CCSER2: variants seen among roughly 807,000 people sequenced by gnomAD.
CCSER2 encodes the protein coiled-coil serine rich protein 2.
Under a neutral mutation model 92.3 loss-of-function variants are expected in CCSER2, and 46 were observed. The observed-to-expected ratio is 0.50, with a 90% CI of 0.39 to 0.64. The LOEUF is 0.64. Among genes scored for constraint, CCSER2 ranks in the 30% least tolerant of loss-of-function variants. CCSER2 has a pLI of 0.00. For synonymous variants in CCSER2, 433 were observed against 431.4 expected (o/e 1.00, Z -0.04); for missense variants, 1,244 against 1,238.9 (o/e 1.00, Z -0.06).
chr10:84,477,715 G>T, intron 9 of CCSER2, 51 bp downstream of exon 9: 1 of 997,690 alleles, frequency 1.0e-6, no homozygotes, highest in Non-Finnish European at 1.6e-6. Context: ...CTATTTTGAT[G>T]TTTTATTTCA....
At chr10:84,352,679 A>G (rs536672987) in intron 1 of CCSER2, among the ~76,000 whole-genome samples, 7 of 152,172 alleles carry the variant, frequency 4.6e-5, no homozygotes, top group Non-Finnish European at 7.4e-5. Context: ...CTGACTCTCT[A>G]TGTGAACTTG....
Position 84,503,233 on chromosome 10 carries a change from A to G in CCSER2, c.2326-10216A>G, listed in dbSNP as rs561846839. Among the ~76,000 whole-genome samples the G allele has an allele frequency of 1.1e-4, 16 of 152,212 alleles. No homozygotes were observed. In the South Asian group the frequency reaches 2.9e-3, roughly 28 times the overall value. Reference sequence around the variant, plus strand: ...CAGAGTGAGACTCTGTCTCAAAAAAAAAGAATATAGGAAAATAGAGATAAA... The same window carrying G: ...CAGAGTGAGACTCTGTCTCAAAAAAGAAGAATATAGGAAAATAGAGATAAA... On this transcript the variant is annotated intron_variant, in intron 9 of 9. Transcript: ENST00000372088.
intron 6 of CCSER2, among the ~76,000 whole-genome samples, chr10:84,462,652 C>T (rs1412439075): frequency 6.6e-6 from 1 of 152,174 alleles, no homozygotes; most frequent in Non-Finnish European, 1.5e-5. Flanking sequence ...GTCCATTTGA[C>T]ACCACCATAG....
At chr10:84,486,884 A>G (rs900542450) in intron 9 of CCSER2, among the ~76,000 whole-genome samples, 2 of 152,220 alleles carry the variant, frequency 1.3e-5, no homozygotes, top group African/African-American at 4.8e-5. Context: ...TAGGTCTAAC[A>G]TTTAAGTCTT....
At position 84,437,967 on chromosome 10, in the gene CCSER2, A is replaced by C. The variant is rs79889190; in HGVS notation, c.1869-545A>C. Among the ~76,000 whole-genome samples the C allele has an allele frequency of 3.3e-3, 504 of 152,164 alleles. 1 individual carries two copies. Among genetic ancestry groups the C allele is most frequent in the Non-Finnish European group, 5.6e-3 (381 of 67,996 alleles). On this transcript the variant is annotated intron_variant, in intron 5 of 9. Coordinates refer to ENST00000372088, the MANE Select transcript of CCSER2 (RefSeq NM_001284240.2). Reference sequence around the variant, plus strand: ...GATTAGGAAATATGCGGTATATATAAAACTTTTATAAAAGCTTAAGTAACC... The same window carrying C: ...GATTAGGAAATATGCGGTATATATACAACTTTTATAAAAGCTTAAGTAACC...
intron 5 of CCSER2, among the ~76,000 whole-genome samples, chr10:84,430,623 T>A (rs1248664687): frequency 1.3e-5 from 2 of 152,182 alleles, no homozygotes. Context: ...TGTCCCCCAA[T>A]CTCTAGTGAC....
chr10:84,334,277 G>C (rs2132973498), intron 1 of CCSER2, among the ~76,000 whole-genome samples: 1 of 152,236 alleles, frequency 6.6e-6, no homozygotes, highest in Non-Finnish European at 1.5e-5. Flanking sequence ...CTGAGTATCT[G>C]ATGGCTTTCT....
chr10:84,405,277 A>C lies in CCSER2; in HGVS notation c.1615-12494A>C, dbSNP rs559733985. Among the ~76,000 whole-genome samples, 17 of 152,290 alleles carry C rather than the reference A, an allele frequency of 1.1e-4. No homozygotes were observed. The South Asian group carries it at 3.5e-3, about 32-fold the overall frequency. ...CATTTGATCGTTCATATATTAAAAAACAAAAATTGAACTTTGACTAAAATT... is the reference window on the plus strand; with the variant it reads ...CATTTGATCGTTCATATATTAAAAACCAAAAATTGAACTTTGACTAAAATT... On this transcript the variant is annotated intron_variant, in intron 3 of 9. Transcript: ENST00000372088.
chr10:84,431,653 G>GA (rs36008446), intron 5 of CCSER2, among the ~76,000 whole-genome samples: 1 of 151,956 alleles, frequency 6.6e-6, no homozygotes, highest in Non-Finnish European at 1.5e-5. Flanking sequence ...GAGGTGGGGG[G>GA]ATCACTTGAG....
rs1849541863 is a variant in CCSER2 at position 84,514,845 on chromosome 10, G to A, written c.*578G>A. On this transcript the variant is annotated 3_prime_UTR_variant, in exon 10 of 10. Transcript: ENST00000372088. ...GTAAGTTTTATTTTTCCTTGCCAGGGTCAGTCAGCTAATGTTACTGTTGAT... is the reference window on the plus strand; with the variant it reads ...GTAAGTTTTATTTTTCCTTGCCAGGATCAGTCAGCTAATGTTACTGTTGAT... 6.5e-6 allele frequency: 1 copy of A among 152,680 alleles called. No homozygotes were observed. The highest frequency in any genetic ancestry group is 2.4e-5 in the African/African-American group (1 of 41,460). The allele number at this position is 152,680 out of a possible 1,614,324, so 9.5% of individuals were successfully genotyped here.
chr10:84,417,582 A>T (rs1474348805), intron 3 of CCSER2, among the ~76,000 whole-genome samples, 189 bp from the exon 4 acceptor site: 1 of 152,212 alleles, frequency 6.6e-6, no homozygotes, highest in Non-Finnish European at 1.5e-5. Context: ...TAGGAGAAGG[A>T]TGTTAGAAAT....
At chr10:84,448,016 G>A (rs944264534) in intron 6 of CCSER2, among the ~76,000 whole-genome samples, 14 of 151,956 alleles carry the variant, frequency 9.2e-5, no homozygotes, top group Admixed American at 7.2e-4. Flanking sequence ...CCACTCTTCC[G>A]TGTACCCTTT....
intron 9 of CCSER2, among the ~76,000 whole-genome samples, chr10:84,507,819 C>T (rs1183658400): frequency 6.6e-6 from 1 of 152,090 alleles, no homozygotes; most frequent in African/African-American, 2.4e-5. Context: ...TATGTTTCCC[C>T]CAATGGGTCA....
At chr10:84,400,360 G>A (rs568641940) in intron 3 of CCSER2, among the ~76,000 whole-genome samples, 32 of 152,056 alleles carry the variant, frequency 2.1e-4, no homozygotes, top group African/African-American at 6.3e-4. Flanking sequence ...TAAAAAAGTC[G>A]GGGTTTTGCT....
intron 4 of CCSER2, among the ~76,000 whole-genome samples, chr10:84,421,045 A>G (rs1843123850): frequency 6.6e-6 from 1 of 152,168 alleles, no homozygotes; most frequent in Non-Finnish European, 1.5e-5. Context: ...CCTCACTGAA[A>G]TCTTTAATTT....
intron 3 of CCSER2, among the ~76,000 whole-genome samples, chr10:84,415,737 C>A (rs1235786572): frequency 6.6e-6 from 1 of 152,188 alleles, no homozygotes; most frequent in Non-Finnish European, 1.5e-5. Flanking sequence ...TCTGGACTCT[C>A]CTGAGCCAGC....
chr10:84,402,041 T>C (rs943980876), intron 3 of CCSER2, among the ~76,000 whole-genome samples: 3 of 152,208 alleles, frequency 2.0e-5, no homozygotes, highest in African/African-American at 7.2e-5. Context: ...TATTTCCCAA[T>C]AGTACTAGTT....
At chr10:84,494,122 C>T (rs950605721) in intron 9 of CCSER2, among the ~76,000 whole-genome samples, 1 of 152,196 alleles carries the variant, frequency 6.6e-6, no homozygotes, top group Non-Finnish European at 1.5e-5. Context: ...TTCAACTCAA[C>T]TGGCCTGCTG....
At chr10:84,469,438 A>G (rs1846647149) in intron 7 of CCSER2, among the ~76,000 whole-genome samples, 1 of 152,114 alleles carries the variant, frequency 6.6e-6, no homozygotes, top group Non-Finnish European at 1.5e-5. Context: ...GATATGTTCA[A>G]GGCTTTGTAA....
Sources: allele counts gnomAD v4.1 joint callset (sites outside exome capture counted in the v4.1 genomes callset), GRCh38; gene constraint gnomAD v4.1.1; transcripts MANE v1.5; gene names NCBI Gene and HGNC (gene_info 2026-07-23, HGNC 2026-07-21).